The following PIK3C2G variants were observed in gnomAD, a reference collection of about 807,000 sequenced individuals.
PIK3C2G encodes the protein phosphatidylinositol 3-kinase C2 domain-containing subunit gamma.
PIK3C2G carries 168 observed loss-of-function variants against 181.1 expected under a neutral mutation model. The observed-to-expected ratio is 0.93, with a 90% CI of 0.82 to 1.05. PIK3C2G has a LOEUF of 1.05. PIK3C2G is among the 50% of genes least tolerant of loss of function. The pLI, the probability that PIK3C2G is intolerant of heterozygous loss-of-function variation, is 0.00. For missense variants in PIK3C2G, 1,869 were observed against 1,732.8 expected (o/e 1.08, Z -1.40); for synonymous variants, 573 against 592.2 (o/e 0.97, Z 0.47).
intron 24 of PIK3C2G, among the ~76,000 whole-genome samples, chr12:18,526,383 C>T (rs1007322839): frequency 4.6e-5 from 7 of 152,082 alleles, no homozygotes; most frequent in Non-Finnish European, 8.8e-5. Context: ...TCTGAGTTTT[C>T]TAGAAAGGAA....
intron 18 of PIK3C2G, among the ~76,000 whole-genome samples, chr12:18,473,637 T>C (rs1938673513): frequency 6.6e-6 from 1 of 152,212 alleles, no homozygotes; most frequent in East Asian, 1.9e-4. Flanking sequence ...TCTTTGATGT[T>C]AGTAAGAGTA....
At chr12:18,397,585 C>T (rs1943971886) in intron 15 of PIK3C2G, among the ~76,000 whole-genome samples, 1 of 151,982 alleles carries the variant, frequency 6.6e-6, no homozygotes, top group South Asian at 2.1e-4. Flanking sequence ...CCACTATACA[C>T]CCATTGGAAT....
upstream of PIK3C2G, among the ~76,000 whole-genome samples, chr12:18,243,202 G>C (rs944563461): frequency 6.6e-5 from 10 of 150,830 alleles, no homozygotes; most frequent in African/African-American, 2.4e-4. Flanking sequence ...TTCTGTGTGT[G>C]TGTGTGTGTG....
chr12:18,311,897 C>T (rs950751687), intron 5 of PIK3C2G, among the ~76,000 whole-genome samples: 2 of 152,008 alleles, frequency 1.3e-5, no homozygotes, highest in Admixed American at 6.6e-5. Flanking sequence ...GTAGGGAAGC[C>T]GACAATGCAG....
In PIK3C2G at chr12:18,302,493, C is replaced by T. The variant is rs556320313; in HGVS notation, c.1034+8478C>T. Among the ~76,000 whole-genome samples the T allele has an allele frequency of 2.0e-5, 3 of 152,190 alleles. No individual in the cohort carries two copies. In the East Asian group the frequency reaches 5.8e-4, roughly 29 times the overall value. On this transcript the variant is annotated intron_variant, in intron 5 of 32. Transcript: ENST00000538779. The stretch of plus-strand genomic sequence containing the variant: ...AGTAGAATGTTATGGGTGGGCAGGG[C>T]GATCCTCAGGACTCTGGATAAGGTG...
chr12:18,531,028 C>T (rs1943526844), intron 24 of PIK3C2G, among the ~76,000 whole-genome samples: 1 of 152,134 alleles, frequency 6.6e-6, no homozygotes, highest in South Asian at 2.1e-4. Context: ...CAAATTTCAA[C>T]AATGTTAACT....
the PIK3C2G span, among the ~76,000 whole-genome samples, chr12:18,663,580 T>C: frequency 1.3e-5 from 2 of 152,048 alleles, no homozygotes; most frequent in African/African-American, 4.8e-5. Flanking sequence ...AAGGATGACC[T>C]TGTAAAAATT....
chr12:18,307,804 A>T (rs2137353642), intron 5 of PIK3C2G, among the ~76,000 whole-genome samples: 1 of 151,954 alleles, frequency 6.6e-6, no homozygotes, highest in South Asian at 2.1e-4. Context: ...GCACCATTTA[A>T]CAAATTTATC....
In PIK3C2G at chr12:18,628,341, T is replaced by C. The variant is rs541466507; in HGVS notation, c.4183-12088T>C. 2.6e-5 allele frequency among the ~76,000 whole-genome samples: 4 copies of C among 152,298 alleles called. No homozygotes were observed. The South Asian group carries it at 8.3e-4, about 32-fold the overall frequency. ...ATAATATTAGATGTTTCACTTACTT[T>C]ATAAACAGTTTAAAATGTGCTTTGT... On this transcript the variant is annotated intron_variant, in intron 31 of 32. Transcript: ENST00000538779.
At position 18,621,441 on chromosome 12, in the gene PIK3C2G, A is replaced by G. The variant is rs1414750731; in HGVS notation, c.4182+11812A>G. 3.9e-5 allele frequency among the ~76,000 whole-genome samples: 6 copies of G among 152,008 alleles called. No individual in the cohort carries two copies. In the East Asian group the frequency reaches 1.2e-3, roughly 29 times the overall value. ...AATTTTTAGAAGAAATTTAGTTTGC[A>G]TGTATTGAGTTAGAAAAAGAATTAT... On this transcript the variant is annotated intron_variant, in intron 31 of 32. Coordinates refer to ENST00000538779, the MANE Select transcript of PIK3C2G (RefSeq NM_001288772.2).
intron 3 of PIK3C2G, 130 bp from the exon 4 acceptor site, chr12:18,290,725 C>T (rs1346830135): frequency 1.2e-5 from 8 of 651,332 alleles, no homozygotes; most frequent in Non-Finnish European, 1.3e-5. Context: ...TTACTGATTG[C>T]TTTCATCTTT....
intron 1 of PIK3C2G, among the ~76,000 whole-genome samples, chr12:18,270,851 G>A (rs7965301): frequency 0.06 from 9,105 of 151,930 alleles, 401 homozygotes; most frequent in Non-Finnish European, 0.092. Flanking sequence ...ATAATTTTAC[G>A]AACTACATCT....
intron 1 of PIK3C2G, among the ~76,000 whole-genome samples, chr12:18,248,687 T>C (rs1948066945): frequency 6.6e-6 from 1 of 152,214 alleles, no homozygotes; most frequent in African/African-American, 2.4e-5. Context: ...TTCTTATGTA[T>C]GTAAAGTCAT....
intron 16 of PIK3C2G, among the ~76,000 whole-genome samples, chr12:18,413,076 C>T (rs1264900437): frequency 6.6e-6 from 1 of 152,120 alleles, no homozygotes; most frequent in Non-Finnish European, 1.5e-5. Flanking sequence ...TTTTATTAAC[C>T]CTTACAATCT....
chr12:18,481,986 G>A (rs528061851), intron 18 of PIK3C2G, among the ~76,000 whole-genome samples: 4 of 152,124 alleles, frequency 2.6e-5, no homozygotes, highest in East Asian at 1.9e-4. Context: ...AACTTTTAAC[G>A]ATTTAAAAAA....
intron 30 of PIK3C2G, among the ~76,000 whole-genome samples, chr12:18,601,903 C>T (rs994705811): frequency 3.9e-5 from 6 of 151,972 alleles, no homozygotes; most frequent in African/African-American, 7.3e-5. Context: ...CGCTGGGTCC[C>T]CAAGCAGCCC....
intron 15 of PIK3C2G, among the ~76,000 whole-genome samples, chr12:18,395,650 G>A (rs1330397067): frequency 1.3e-5 from 2 of 150,484 alleles, no homozygotes; most frequent in African/African-American, 4.9e-5. Context: ...TTTAAAAAGT[G>A]ATTGAAGAAA....
chr12:18,318,211 G>A (rs1950952317), intron 6 of PIK3C2G, among the ~76,000 whole-genome samples: 1 of 152,064 alleles, frequency 6.6e-6, no homozygotes, highest in Non-Finnish European at 1.5e-5. Flanking sequence ...CATACTCATA[G>A]AGCAGGATAA....
At chr12:18,722,991 T>A in the PIK3C2G span, among the ~76,000 whole-genome samples, 1 of 152,090 alleles carries the variant, frequency 6.6e-6, no homozygotes, top group East Asian at 1.9e-4. Context: ...AGATACTTTC[T>A]TCTAATAGGG....
Sources: gnomAD v4.1 joint callset for allele counts (sites outside exome capture counted in the v4.1 genomes callset) on GRCh38, gnomAD v4.1.1 for gene constraint, MANE v1.5 for transcripts, NCBI Gene and HGNC (gene_info 2026-07-23, HGNC 2026-07-21) for gene names.